Variants in DCC observed in about 807,000 individuals in gnomAD.
DCC encodes DCC netrin 1 receptor.
A neutral mutation model predicts 172.5 loss-of-function variants in DCC; 58 were observed. That is an observed-to-expected ratio of 0.34 (90% CI 0.27 to 0.42). DCC has a LOEUF of 0.42. Ranked by LOEUF, DCC falls within the 10% of genes least tolerant of loss-of-function variation. The pLI, the probability that DCC is intolerant of heterozygous loss-of-function variation, is 1.00. For synonymous variants in DCC, 709 were observed against 644.5 expected, an observed-to-expected ratio of 1.10 and a Z score of -1.52; for missense variants, 1,740 against 1,791.0, an observed-to-expected ratio of 0.97 and a Z score of 0.51.
chr18:52,845,417 G>A (rs895902981), intron 2 of DCC, among the ~76,000 whole-genome samples: 1 of 152,222 alleles, frequency 6.6e-6, no homozygotes, highest in Non-Finnish European at 1.5e-5. Context: ...CCATCATAAT[G>A]CAATGCCTAG....
intron 1 of DCC, among the ~76,000 whole-genome samples, chr18:52,714,553 CA>C (rs2036346940): frequency 6.6e-6 from 1 of 152,126 alleles, no homozygotes; most frequent in African/African-American, 2.4e-5. Flanking sequence ...GGAAAAAGAA[CA>C]ACATTATCTG....
chr18:53,223,373 A>G (rs2055973534), intron 12 of DCC, among the ~76,000 whole-genome samples: 3 of 152,144 alleles, frequency 2.0e-5, no homozygotes, highest in Non-Finnish European at 4.4e-5. Flanking sequence ...TTCTAGCCTC[A>G]CTTTAATATT....
At position 53,101,840 on chromosome 18, in the gene DCC, TGC is replaced by T. The variant is rs796843841; in HGVS notation, c.1261+35676_1261+35677del. ...GTGTGTGTGTGTATTTGTGTGTGTGTGCGTGTGCGTGTGAGTGTTGACATTGA... is the reference window on the plus strand; with the variant it reads ...GTGTGTGTGTGTATTTGTGTGTGTGTGTGTGCGTGTGAGTGTTGACATTGA... On this transcript the variant is annotated intron_variant, in intron 7 of 28. Transcript: ENST00000442544. Among the ~76,000 whole-genome samples the T allele has an allele frequency of 5.2e-3, 224 of 42,794 alleles. 2 individuals carry two copies. The highest frequency in any genetic ancestry group is 0.019 in the African/African-American group (213 of 10,936). 28.1% of individuals were successfully genotyped at this position (42,794 alleles called of 152,430 possible).
intron 5 of DCC, among the ~76,000 whole-genome samples, chr18:52,956,192 A>C (rs1248927643): frequency 6.6e-6 from 1 of 151,996 alleles, no homozygotes; most frequent in Non-Finnish European, 1.5e-5. Flanking sequence ...TTTATAGTTT[A>C]GCATTTTAAA....
rs58163580 is a variant in DCC, at chr18:53,312,529, C to CA, written c.2053+6820dup. 2.1e-4 allele frequency among the ~76,000 whole-genome samples: 31 copies of CA among 149,972 alleles called. No individual in the cohort carries two copies. The East Asian group carries it at 4.0e-3, about 19-fold the overall frequency. ...ATAACAGCTTTTCAAAATATACATACAAAAAAAAAAGCTTTTAATTGGCCG... is the reference window on the plus strand; with the variant it reads ...ATAACAGCTTTTCAAAATATACATACAAAAAAAAAAAGCTTTTAATTGGCCG... On this transcript the variant is annotated intron_variant, in intron 13 of 28. Transcript: ENST00000442544.
chr18:52,803,582 A>G (rs2038033526), intron 2 of DCC, among the ~76,000 whole-genome samples: 1 of 152,210 alleles, frequency 6.6e-6, no homozygotes, highest in African/African-American at 2.4e-5. Flanking sequence ...CATTTAGAGT[A>G]TAACTTAGTT....
chr18:52,818,613 A>G (rs1255002426), intron 2 of DCC, among the ~76,000 whole-genome samples: 2 of 152,092 alleles, frequency 1.3e-5, no homozygotes, highest in Non-Finnish European at 2.9e-5. Flanking sequence ...TGAAATAAGG[A>G]ACCCAAAACA....
intron 2 of DCC, among the ~76,000 whole-genome samples, chr18:52,760,288 T>G (rs1472522514): frequency 6.6e-6 from 1 of 152,138 alleles, no homozygotes; most frequent in African/African-American, 2.4e-5. Context: ...TCATGAGAAC[T>G]CACTATCATG....
chr18:52,649,249 T>A (rs2035078098), intron 1 of DCC, among the ~76,000 whole-genome samples: 1 of 151,930 alleles, frequency 6.6e-6, no homozygotes, highest in Non-Finnish European at 1.5e-5. Flanking sequence ...GGCAGGCACC[T>A]GCAGTTTCAG....
At chr18:52,835,345 C>T (rs1164371911) in intron 2 of DCC, among the ~76,000 whole-genome samples, 6 of 152,280 alleles carry the variant, frequency 3.9e-5, no homozygotes, top group Non-Finnish European at 5.9e-5. Context: ...AATTTACTTT[C>T]TATTTTTTTC....
At chr18:53,141,399 A>C (rs1368821820) in intron 7 of DCC, among the ~76,000 whole-genome samples, 1 of 152,220 alleles carries the variant, frequency 6.6e-6, no homozygotes, top group Non-Finnish European at 1.5e-5. Context: ...ATTATTTATC[A>C]TAATCGTTAA....
chr18:53,214,768 C>T (rs1318561086), intron 11 of DCC, among the ~76,000 whole-genome samples: 1 of 152,052 alleles, frequency 6.6e-6, no homozygotes, highest in Non-Finnish European at 1.5e-5. Flanking sequence ...ACATAAAAGC[C>T]ATTCAATAAG....
rs532842068 is a variant in DCC, at chr18:53,271,019, C to A, written c.1912-34559C>A. Among the ~76,000 whole-genome samples, 16 of 152,214 alleles carry A rather than the reference C, an allele frequency of 1.1e-4. No homozygotes were observed. In the South Asian group the frequency reaches 2.7e-3, roughly 26 times the overall value. ...ATTTTCAATAACTACCACAATGGAG[C>A]ATAGCTATTACATAGTGGAGCTCAG... On this transcript the variant is annotated intron_variant, in intron 12 of 28. Transcript: ENST00000442544.
intron 1 of DCC, among the ~76,000 whole-genome samples, chr18:52,367,821 C>T (rs376906852): frequency 6.6e-6 from 1 of 152,164 alleles, no homozygotes; most frequent in Non-Finnish European, 1.5e-5. Context: ...TGTACATAGG[C>T]AAGTCTGCAA....
In DCC at chr18:52,463,317, C is replaced by T. The variant is rs116475469; in HGVS notation, c.91+122439C>T. On this transcript the variant is annotated intron_variant, in intron 1 of 28. Coordinates refer to ENST00000442544, the MANE Select transcript of DCC (RefSeq NM_005215.4). ...TGACTTTTTTGAATTCTACCCTTCTCGACTGCACTGGCCACCTCTCTGGAG... is the reference window on the plus strand; with the variant it reads ...TGACTTTTTTGAATTCTACCCTTCTTGACTGCACTGGCCACCTCTCTGGAG... Among the ~76,000 whole-genome samples, 690 of 152,006 alleles carry T rather than the reference C, an allele frequency of 4.5e-3. 5 individuals carry two copies. Among genetic ancestry groups the T allele is most frequent in the African/African-American group, 0.016 (654 of 41,428 alleles).
At chr18:52,855,255 G>A (rs2039034251) in intron 2 of DCC, among the ~76,000 whole-genome samples, 1 of 152,124 alleles carries the variant, frequency 6.6e-6, no homozygotes, top group Admixed American at 6.6e-5. Flanking sequence ...TCTACTTAGA[G>A]CATCTTCAAC....
At chr18:52,391,920 CT>C (rs1366148719) in intron 1 of DCC, among the ~76,000 whole-genome samples, 18 of 152,268 alleles carry the variant, frequency 1.2e-4, no homozygotes, top group Non-Finnish European at 2.4e-4. Context: ...GACTGCACCA[CT>C]GGGACAGCTA....
At chr18:52,897,572 T>C (rs1403786803) in intron 2 of DCC, among the ~76,000 whole-genome samples, 1 of 152,238 alleles carries the variant, frequency 6.6e-6, no homozygotes, top group Non-Finnish European at 1.5e-5. Flanking sequence ...GAAATACTTT[T>C]CAAGCTTTTA....
chr18:53,207,181 C>A (rs2055665987), intron 10 of DCC, among the ~76,000 whole-genome samples: 1 of 152,168 alleles, frequency 6.6e-6, no homozygotes, highest in Non-Finnish European at 1.5e-5. Flanking sequence ...TCATTTACTG[C>A]AGCCATGAGA....
Sources: gnomAD v4.1 joint callset for allele counts (sites outside exome capture counted in the v4.1 genomes callset) on GRCh38, gnomAD v4.1.1 for gene constraint, MANE v1.5 for transcripts, NCBI Gene and HGNC (gene_info 2026-07-23, HGNC 2026-07-21) for gene names.